The following CDH5 variants were observed in gnomAD, a reference collection of about 807,000 sequenced individuals.
The protein encoded by CDH5 is cadherin 5.
A neutral mutation model predicts 62.0 loss-of-function variants in CDH5; 28 were observed. The observed-to-expected ratio is 0.45, with a 90% CI of 0.33 to 0.62. The LOEUF is 0.62. Ranked by LOEUF, CDH5 falls within the 20% of genes least tolerant of loss-of-function variation. CDH5 has a pLI of 0.02. For missense variants in CDH5, 940 were observed against 1,065.1 expected, an observed-to-expected ratio of 0.88 and a Z score of 1.63; for synonymous variants, 464 against 445.8, an observed-to-expected ratio of 1.04 and a Z score of -0.52.
At chr16:66,380,443 A>G (rs1198221344) in intron 2 of CDH5, among the ~76,000 whole-genome samples, 2 of 147,518 alleles carry the variant, frequency 1.4e-5, no homozygotes, top group Admixed American at 1.3e-4. Flanking sequence ...GATGATGGTG[A>G]TGATGGTGAT....
At chr16:66,375,952 CA>C (rs1040288317) in intron 1 of CDH5, among the ~76,000 whole-genome samples, 1 of 150,476 alleles carries the variant, frequency 6.6e-6, no homozygotes, top group African/African-American at 2.4e-5. Flanking sequence ...ACTAAAAATA[CA>C]AAAAAAAATT....
chr16:66,401,560 T>C (rs1430204679), intron 11 of CDH5, among the ~76,000 whole-genome samples: 1 of 152,216 alleles, frequency 6.6e-6, no homozygotes, highest in Non-Finnish European at 1.5e-5. Flanking sequence ...AGTTTGGATT[T>C]CCCAGGGAGC....
intron 2 of CDH5, among the ~76,000 whole-genome samples, chr16:66,379,790 G>A (rs1001188472): frequency 3.9e-5 from 6 of 152,058 alleles, no homozygotes; most frequent in African/African-American, 1.4e-4. Flanking sequence ...AAAGGCCAAG[G>A]TGGTGGTGGG....
intron 1 of CDH5, among the ~76,000 whole-genome samples, chr16:66,373,588 G>C (rs1013048785): frequency 5.9e-5 from 9 of 151,876 alleles, no homozygotes; most frequent in African/African-American, 1.9e-4. Flanking sequence ...GCTAATTTTT[G>C]TATTTTTTAG....
chr16:66,398,648 C>T, intron 10 of CDH5, 87 bp downstream of exon 10: 1 of 719,000 alleles, frequency 1.4e-6, no homozygotes. Flanking sequence ...AGGAAGATCG[C>T]TTGAGCCCAG....
intron 1 of CDH5, among the ~76,000 whole-genome samples, chr16:66,376,035 T>G (rs945841163): frequency 1.3e-5 from 2 of 152,088 alleles, no homozygotes; most frequent in Non-Finnish European, 2.9e-5. Flanking sequence ...GACTTGAACC[T>G]GGGAGGCGGA....
chr16:66,367,075 T>G (rs3743871), intron 1 of CDH5, among the ~76,000 whole-genome samples: 92,159 of 152,194 alleles, frequency 0.61, 29,772 homozygotes, highest in African/African-American at 0.85. Flanking sequence ...GAGAGGGCAG[T>G]ATTCTGCCCC....
chr16:66,373,171 A>G (rs1277985125), intron 1 of CDH5, among the ~76,000 whole-genome samples: 1 of 152,154 alleles, frequency 6.6e-6, no homozygotes, highest in East Asian at 1.9e-4. Context: ...CAACAGCTTG[A>G]GTCTCTCTGG....
intron 2 of CDH5, among the ~76,000 whole-genome samples, chr16:66,379,769 G>A (rs1960854395): frequency 6.6e-6 from 1 of 152,192 alleles, no homozygotes; most frequent in Admixed American, 6.5e-5. Flanking sequence ...AGTGATGGTG[G>A]TGAGGATGGG....
chr16:66,390,298 T>A lies in CDH5; in HGVS notation c.782-105T>A, dbSNP rs150716863. 4.6e-4 allele frequency: 378 copies of A among 826,932 alleles called. 1 individual carries two copies. The African/African-American group carries it at 5.2e-3, about 11-fold the overall frequency. 51.2% of individuals were successfully genotyped at this position (826,932 alleles called of 1,614,324 possible). A position where few individuals can be genotyped will look rare whatever the true frequency, so the allele number is the denominator to read the frequency against. ...GGTATTATTATTTATGATTATTTTA[T>A]TATGCCCATTTCTTTTATCAAAATA... is the stretch of plus-strand genomic sequence containing the variant. On this transcript the variant is annotated intron_variant, in intron 5 of 11. Transcript: ENST00000341529.
chr16:66,403,388 A>C lies in CDH5; in HGVS notation c.*219A>C. 2 of 571,286 alleles carry C rather than the reference A, an allele frequency of 3.5e-6. No individual in the cohort carries two copies. The highest frequency in any genetic ancestry group is 5.9e-5 in the East Asian group (2 of 33,920). 35.4% of individuals were successfully genotyped at this position (571,286 alleles called of 1,614,324 possible). ...GATGACTATTCTCAAATGCTGGCAA[A>C]TCCAGGCTGGTGTTCTGTCTGGGCT... On this transcript the variant is annotated 3_prime_UTR_variant, in exon 12 of 12. Transcript: ENST00000341529. The surrounding 1 kb of genome is among the most constrained non-coding windows in gnomAD (Gnocchi z 4.3).
At chr16:66,373,997 A>G (rs534022077) in intron 1 of CDH5, among the ~76,000 whole-genome samples, 2 of 152,264 alleles carry the variant, frequency 1.3e-5, no homozygotes, top group East Asian at 3.9e-4. Context: ...AGAGAGTGGC[A>G]TGACGCAAAA....
At chr16:66,391,884 G>A (rs1961090963) in intron 6 of CDH5, among the ~76,000 whole-genome samples, 1 of 152,180 alleles carries the variant, frequency 6.6e-6, no homozygotes, top group African/African-American at 2.4e-5. Flanking sequence ...CTGGAAATAG[G>A]GCCAGGCACA....
chr16:66,387,239 T>C, intron 3 of CDH5, 142 bp downstream of exon 3: 1 of 780,826 alleles, frequency 1.3e-6, no homozygotes, highest in Admixed American at 2.8e-5. Flanking sequence ...CCACTTTACA[T>C]GATTTGAAAG....
At chr16:66,372,271 G>A (rs1960705518) in intron 1 of CDH5, among the ~76,000 whole-genome samples, 2 of 152,248 alleles carry the variant, frequency 1.3e-5, no homozygotes, top group Non-Finnish European at 2.9e-5. Context: ...TGGAGCCTGT[G>A]TTTATTCCTG....
intron 3 of CDH5, among the ~76,000 whole-genome samples, chr16:66,387,769 T>C (rs912026841): frequency 2.6e-5 from 4 of 152,126 alleles, no homozygotes; most frequent in Non-Finnish European, 4.4e-5. Flanking sequence ...GCAGGAGTGG[T>C]GTGGGGGACA....
Position 66,403,534 on chromosome 16 carries a change from G to T in CDH5, c.*365G>T, listed in dbSNP as rs1345118235. The T allele has an allele frequency of 1.1e-5, 3 of 271,102 alleles. No homozygotes were observed. The highest frequency in any genetic ancestry group is 9.9e-5 in the Admixed American group (2 of 20,134). The allele number at this position is 271,102 out of a possible 1,614,324, so 16.8% of individuals were successfully genotyped here. On this transcript the variant is annotated 3_prime_UTR_variant, in exon 12 of 12. Transcript: ENST00000341529. The surrounding 1 kb of genome is among the most constrained non-coding windows in gnomAD (Gnocchi z 4.3). ...AACTGCTGCAGGGTCTTTTTCTAGG[G>T]TCCCTGAACGCCCTGGTAAGGCTGG...
chr16:66,398,409 A>G (rs1961225187), intron 9 of CDH5, 47 bp from the exon 10 acceptor site: 1 of 1,115,330 alleles, frequency 9.0e-7, no homozygotes, highest in Admixed American at 2.1e-5. Context: ...AGACCACCCC[A>G]CCACCCCACC....
rs766809159 is a variant in CDH5, at chr16:66,398,489, A to G, written c.1519A>G (p.Ile507Val). ...GCAGATCTCCGCAATAGACAAGGAC[A>G]TAACACCACGAAACGTGAAGTTCAA... ...VLQISAIDKD[I>V]TPRNVKFKFI... The change falls in exon 10 of 12, where the codon ATA (isoleucine) becomes GTA (valine). Residue 507 changes from isoleucine (I) to valine (V), a missense_variant. Transcript: ENST00000341529. The G allele has an allele frequency of 1.9e-6, 3 of 1,609,948 alleles. No individual in the cohort carries two copies. The highest frequency in any genetic ancestry group is 1.7e-5 in the Admixed American group (1 of 60,032).
Sources: allele counts gnomAD v4.1 joint callset (sites outside exome capture counted in the v4.1 genomes callset), GRCh38; gene constraint gnomAD v4.1.1; non-coding constraint Gnocchi (gnomAD v3.1); transcripts MANE v1.5; gene names NCBI Gene and HGNC (gene_info 2026-07-23, HGNC 2026-07-21).